Variants in EFCAB11 observed in about 807,000 individuals in gnomAD.
EFCAB11 encodes EF-hand calcium binding domain 11.
In EFCAB11, 14 loss-of-function variants were observed where a neutral mutation model predicts 23.0. The ratio of observed to expected loss-of-function variants is 0.61; its 90% CI spans 0.40 to 0.95. The LOEUF (loss-of-function observed/expected upper bound fraction) is 0.95, where lower values mean the gene tolerates loss of function less well. Among genes scored for constraint, EFCAB11 ranks in the 40% least tolerant of loss-of-function variants. The pLI is 0.00. For missense variants in EFCAB11, 198 were observed against 195.8 expected, an observed-to-expected ratio of 1.01 and a Z score of -0.07; for synonymous variants, 65 against 66.6, an observed-to-expected ratio of 0.98 and a Z score of 0.11.
chr14:89,894,124 G>A (rs1348359932), intron 5 of EFCAB11, among the ~76,000 whole-genome samples: 1 of 151,930 alleles, frequency 6.6e-6, no homozygotes, highest in African/African-American at 2.4e-5. Flanking sequence ...CTTATTTTTC[G>A]TATTTTTAGT....
intron 5 of EFCAB11, among the ~76,000 whole-genome samples, chr14:89,906,653 TGA>T (rs1250315694): frequency 6.6e-6 from 1 of 152,180 alleles, no homozygotes; most frequent in Admixed American, 6.5e-5. Flanking sequence ...AAAATCCCTT[TGA>T]GATGAAAGAT....
At chr14:89,916,563 G>A (rs1889851201) in intron 5 of EFCAB11, among the ~76,000 whole-genome samples, 2 of 152,162 alleles carry the variant, frequency 1.3e-5, no homozygotes, top group Non-Finnish European at 2.9e-5. Flanking sequence ...AAAAGTAAGG[G>A]CCAGCAGCTG....
intron 5 of EFCAB11, among the ~76,000 whole-genome samples, chr14:89,916,687 GCAAA>G (rs1253367136): frequency 6.6e-6 from 1 of 152,088 alleles, no homozygotes; most frequent in Non-Finnish European, 1.5e-5. Flanking sequence ...ACTCTCTCCT[GCAAA>G]CAGAGTTAAA....
chr14:89,890,921 G>T (rs1269089780), intron 5 of EFCAB11, among the ~76,000 whole-genome samples: 2 of 152,160 alleles, frequency 1.3e-5, no homozygotes, highest in African/African-American at 4.8e-5. Context: ...CTACATGAAA[G>T]TTTCCCTGGT....
chr14:89,891,390 T>G (rs1888958894), intron 5 of EFCAB11, among the ~76,000 whole-genome samples: 1 of 152,214 alleles, frequency 6.6e-6, no homozygotes, highest in South Asian at 2.1e-4. Flanking sequence ...TATAACCTTT[T>G]AATACCTTTG....
At chr14:89,797,505 G>C (rs1885615218) in intron 5 of EFCAB11, among the ~76,000 whole-genome samples, 181 bp from the exon 6 acceptor site, 1 of 151,392 alleles carries the variant, frequency 6.6e-6, no homozygotes, top group Non-Finnish European at 1.5e-5. Flanking sequence ...GGAAAGAAAG[G>C]GTATTTATTA....
chr14:89,932,505 A>G lies in EFCAB11; in HGVS notation c.319+21T>C, dbSNP rs1162879217. The G allele has an allele frequency of 2.5e-6, 4 of 1,602,750 alleles. No homozygotes were observed. The Admixed American group carries it at 6.8e-5, about 27-fold the overall frequency. On this transcript the variant is annotated intron_variant, in intron 4 of 5. Coordinates refer to ENST00000316738, the MANE Select transcript of EFCAB11 (RefSeq NM_145231.4). ...CTTAAAAGTAATTTTTTTTACATCA[A>G]AACACTTTAGAGACACTTACAGTAG...
At chr14:89,819,503 TA>T (rs561496510) in intron 5 of EFCAB11, among the ~76,000 whole-genome samples, 161 of 152,134 alleles carry the variant, frequency 1.1e-3, no homozygotes, top group Non-Finnish European at 1.9e-3. Flanking sequence ...CACTACAGCC[TA>T]AAACTCCTGG....
chr14:89,872,437 T>C (rs1240656405), intron 5 of EFCAB11, among the ~76,000 whole-genome samples: 1 of 152,076 alleles, frequency 6.6e-6, no homozygotes, highest in African/African-American at 2.4e-5. Context: ...TCTGGGTAGA[T>C]ACTCCACTGA....
chr14:89,869,192 C>T (rs1217782757), intron 5 of EFCAB11, among the ~76,000 whole-genome samples: 2 of 152,096 alleles, frequency 1.3e-5, no homozygotes, highest in African/African-American at 2.4e-5. Context: ...GACAGTGAGA[C>T]CCTGTCTCAA....
In EFCAB11 at chr14:89,898,547, TAGAG is replaced by T. The variant is rs1230012254; in HGVS notation, c.410+32990_410+32993del. 2.6e-5 allele frequency among the ~76,000 whole-genome samples: 4 copies of T among 152,066 alleles called. No individual in the cohort carries two copies. In the East Asian group the frequency reaches 5.8e-4, roughly 22 times the overall value. ...GTGTGGCTAATTTTTGTATTTTTGG[TAGAG>T]ACAGTGTCTCACCATGTTGACCAGG... On this transcript the variant is annotated intron_variant, in intron 5 of 5. Transcript: ENST00000316738.
chr14:89,825,038 C>T (rs1886642723), intron 5 of EFCAB11, among the ~76,000 whole-genome samples: 1 of 147,772 alleles, frequency 6.8e-6, no homozygotes, highest in African/African-American at 2.5e-5. Flanking sequence ...CCACTCCTGA[C>T]ACCTACAGGA....
intron 5 of EFCAB11, among the ~76,000 whole-genome samples, chr14:89,833,863 C>A (rs1336485052): frequency 6.6e-6 from 1 of 152,136 alleles, no homozygotes; most frequent in Non-Finnish European, 1.5e-5. Flanking sequence ...AACTACAGAG[C>A]AAAATGAAAT....
chr14:89,923,959 T>C, intron 5 of EFCAB11: 3 of 984,804 alleles, frequency 3.0e-6, no homozygotes, highest in Non-Finnish European at 3.6e-6. Flanking sequence ...CCCTCAGCTC[T>C]GTAAGACTCT....
intron 5 of EFCAB11, among the ~76,000 whole-genome samples, chr14:89,893,965 A>C (rs1317371591): frequency 1.3e-5 from 2 of 152,140 alleles, no homozygotes. Flanking sequence ...AGTGAAATTT[A>C]ATGCCAATTC....
intron 5 of EFCAB11, among the ~76,000 whole-genome samples, chr14:89,840,241 A>G (rs1887216548): frequency 6.6e-6 from 1 of 152,234 alleles, no homozygotes; most frequent in Non-Finnish European, 1.5e-5. Context: ...AATACAATAA[A>G]TATTTAGTAG....
chr14:89,910,396 G>A (rs950353440), intron 5 of EFCAB11, among the ~76,000 whole-genome samples: 10 of 152,080 alleles, frequency 6.6e-5, no homozygotes, highest in Admixed American at 4.6e-4. Context: ...CCAGGAGTTC[G>A]AGACCAGCCT....
chr14:89,929,061 T>TATATATATATA (rs1890298898), intron 5 of EFCAB11, among the ~76,000 whole-genome samples: 1 of 145,582 alleles, frequency 6.9e-6, no homozygotes, highest in African/African-American at 2.6e-5. Context: ...ACACATATTT[T>TATATATATATA]TTTTTAGGAG....
intron 5 of EFCAB11, among the ~76,000 whole-genome samples, chr14:89,827,207 G>A (rs1886720566): frequency 6.6e-6 from 1 of 152,210 alleles, no homozygotes; most frequent in Non-Finnish European, 1.5e-5. Flanking sequence ...GGATGAGACT[G>A]AGGTTATTAG....
Sources: allele counts gnomAD v4.1 joint callset (sites outside exome capture counted in the v4.1 genomes callset), GRCh38; gene constraint gnomAD v4.1.1; transcripts MANE v1.5; gene names NCBI Gene and HGNC (gene_info 2026-07-23, HGNC 2026-07-21).